The following ARHGEF33 variants were observed in gnomAD, a reference collection of about 807,000 sequenced individuals.
The protein encoded by ARHGEF33 is DH and coiled-coil domain-containing protein ENSP00000381780.
Under a neutral mutation model 101.9 loss-of-function variants are expected in ARHGEF33, and 72 were observed. That is an observed-to-expected ratio of 0.71 (90% CI 0.58 to 0.86). The LOEUF is 0.86. ARHGEF33 is among the 40% of genes least tolerant of loss of function. The pLI is 0.00. For missense variants in ARHGEF33, 1,169 were observed against 1,111.3 expected (o/e 1.05, Z -0.74); for synonymous variants, 499 against 442.5 (o/e 1.13, Z -1.60).
intron 2 of ARHGEF33, among the ~76,000 whole-genome samples, chr2:38,913,776 A>T (rs536063255): frequency 8.5e-5 from 13 of 152,276 alleles, no homozygotes; most frequent in African/African-American, 3.1e-4. Context: ...CTCAGAAAAA[A>T]AAAAAATAAA....
At chr2:38,915,903 A>G (rs546339365) in intron 2 of ARHGEF33, among the ~76,000 whole-genome samples, 60 of 152,030 alleles carry the variant, frequency 3.9e-4, no homozygotes, top group Non-Finnish European at 8.1e-4. Context: ...GCACATGCCT[A>G]TAGTCTGAGC....
intron 2 of ARHGEF33, among the ~76,000 whole-genome samples, chr2:38,904,962 C>T (rs1405181446): frequency 6.6e-6 from 1 of 152,076 alleles, no homozygotes; most frequent in African/African-American, 2.4e-5. Flanking sequence ...AAGGATTTCA[C>T]AGCTGGTGAA....
intron 4 of ARHGEF33, among the ~76,000 whole-genome samples, chr2:38,925,962 A>T (rs1666859642): frequency 6.6e-6 from 1 of 152,236 alleles, no homozygotes; most frequent in Non-Finnish European, 1.5e-5. Context: ...TCATGAAAAA[A>T]AAAATTGGAA....
intron 15 of ARHGEF33, chr2:38,959,553 T>A: frequency 3.1e-6 from 1 of 323,220 alleles, no homozygotes; most frequent in Non-Finnish European, 5.7e-6. Flanking sequence ...GCACCGCAGG[T>A]GGTGAGGAGG....
intron 15 of ARHGEF33, among the ~76,000 whole-genome samples, chr2:38,958,551 G>A (rs904555511): frequency 1.1e-4 from 16 of 152,154 alleles, no homozygotes; most frequent in Non-Finnish European, 2.2e-4. Context: ...TGCACTCTGC[G>A]TATGGAAAAT....
intron 10 of ARHGEF33, among the ~76,000 whole-genome samples, chr2:38,950,449 T>TTTTA (rs1023182618): frequency 6.6e-6 from 1 of 152,306 alleles, no homozygotes; most frequent in East Asian, 1.9e-4. Context: ...TTTATTTGTA[T>TTTTA]TTTATTTATT....
chr2:38,894,611 T>A (rs966511224), intron 1 of ARHGEF33, among the ~76,000 whole-genome samples: 1 of 152,150 alleles, frequency 6.6e-6, no homozygotes, highest in Non-Finnish European at 1.5e-5. Flanking sequence ...GTATATCACC[T>A]CTTGGTCCAA....
intron 6 of ARHGEF33, among the ~76,000 whole-genome samples, chr2:38,930,296 A>G (rs1390924720): frequency 1.3e-5 from 2 of 152,034 alleles, no homozygotes; most frequent in African/African-American, 4.8e-5. Flanking sequence ...TCACCATTAA[A>G]CATATATAAT....
In ARHGEF33 at chr2:38,951,050, C is replaced by T. The variant is rs1428720067; in HGVS notation, c.982C>T (p.Gln328Ter). 6.4e-7 allele frequency: 1 copy of T among 1,552,140 alleles called. No individual in the cohort carries two copies. The highest frequency in any genetic ancestry group is 1.2e-5 in the South Asian group (1 of 84,064). Residue 328 changes from glutamine to a stop codon, truncating the protein, a stop_gained, in exon 11 of 18, where the codon CAG becomes TAG. Transcript: ENST00000409978. LOFTEE classifies it high-confidence loss of function. ...QQHLDLLHAL[Q>*]ERVLKWPRQG... ...GCACCTGGATCTGCTTCACGCACTG[C>T]AGGAAAGGGTCCTGAAGTGGCCACG...
At chr2:38,952,735 G>T (rs1667642567) in intron 11 of ARHGEF33, among the ~76,000 whole-genome samples, 3 of 147,808 alleles carry the variant, frequency 2.0e-5, no homozygotes, top group Non-Finnish European at 4.5e-5. Flanking sequence ...GTCTCACTCT[G>T]TCCCCTAGGC....
intron 2 of ARHGEF33, among the ~76,000 whole-genome samples, chr2:38,896,463 T>C (rs1666125143): frequency 6.6e-6 from 1 of 152,184 alleles, no homozygotes; most frequent in Non-Finnish European, 1.5e-5. Context: ...TAAGTTCTAT[T>C]TTGGATGTCT....
At chr2:38,915,663 T>C (rs1282164080) in intron 2 of ARHGEF33, among the ~76,000 whole-genome samples, 1 of 151,690 alleles carries the variant, frequency 6.6e-6, no homozygotes, top group Non-Finnish European at 1.5e-5. Flanking sequence ...TGAGCCACCA[T>C]GCCTGGCCTC....
At chr2:38,951,488 C>T (rs926063574) in intron 11 of ARHGEF33, among the ~76,000 whole-genome samples, 1 of 151,762 alleles carries the variant, frequency 6.6e-6, no homozygotes, top group South Asian at 2.1e-4. Flanking sequence ...ATTTGTGGGC[C>T]GGGTGTGGTG....
chr2:38,923,642 T>C (rs1290923675), intron 4 of ARHGEF33, among the ~76,000 whole-genome samples: 2 of 152,278 alleles, frequency 1.3e-5, no homozygotes, highest in South Asian at 2.1e-4. Flanking sequence ...TCAATAAATA[T>C]GAGTTGAATG....
intron 2 of ARHGEF33, among the ~76,000 whole-genome samples, chr2:38,911,040 C>T (rs961367520): frequency 6.6e-6 from 1 of 152,084 alleles, no homozygotes; most frequent in Non-Finnish European, 1.5e-5. Context: ...CACAGCATTG[C>T]CGTAGTGATC....
chr2:38,923,285 T>G (rs1350043657), intron 4 of ARHGEF33, among the ~76,000 whole-genome samples: 1 of 152,058 alleles, frequency 6.6e-6, no homozygotes, highest in Non-Finnish European at 1.5e-5. Context: ...GTCTGTTTAC[T>G]CCAAGCAACA....
chr2:38,914,890 C>A (rs1254466039), intron 2 of ARHGEF33, among the ~76,000 whole-genome samples: 1 of 151,966 alleles, frequency 6.6e-6, no homozygotes, highest in Non-Finnish European at 1.5e-5. Context: ...GGGAGGAACA[C>A]TTTTACCTCT....
At chr2:38,950,509 T>C (rs899583373) in intron 10 of ARHGEF33, among the ~76,000 whole-genome samples, 56 of 152,328 alleles carry the variant, frequency 3.7e-4, no homozygotes, top group African/African-American at 1.2e-3. Context: ...TGGGGTGAAG[T>C]GGCGTGATCT....
chr2:38,910,066 A>C (rs1558425137), intron 2 of ARHGEF33, among the ~76,000 whole-genome samples: 1 of 152,176 alleles, frequency 6.6e-6, no homozygotes, highest in African/African-American at 2.4e-5. Flanking sequence ...TTCTATCTAT[A>C]GCATAGACTA....
Sources: gnomAD v4.1 joint callset for allele counts (sites outside exome capture counted in the v4.1 genomes callset) on GRCh38, gnomAD v4.1.1 for gene constraint, MANE v1.5 for transcripts, NCBI Gene and HGNC (gene_info 2026-07-23, HGNC 2026-07-21) for gene names.